PRKCE: variants seen among roughly 807,000 people sequenced by gnomAD.
PRKCE encodes protein kinase C epsilon type.
A neutral mutation model predicts 85.4 loss-of-function variants in PRKCE; 16 were observed. The observed-to-expected ratio is 0.19, with a 90% CI of 0.13 to 0.28. PRKCE has a LOEUF of 0.28. PRKCE is among the 10% of genes least tolerant of loss of function. The probability of loss-of-function intolerance (pLI) is 1.00; values close to 1 mark genes in which losing one functional copy is unlikely to be tolerated. For missense variants in PRKCE, 573 were observed against 975.2 expected (o/e 0.59, Z 5.49); for synonymous variants, 388 against 371.5 (o/e 1.04, Z -0.51).
intron 11 of PRKCE, among the ~76,000 whole-genome samples, chr2:46,102,817 C>T (rs1306222960): frequency 6.6e-6 from 1 of 152,206 alleles, no homozygotes; most frequent in Non-Finnish European, 1.5e-5. Flanking sequence ...ATTTTCATTA[C>T]ATCACATCAA....
intron 2 of PRKCE, among the ~76,000 whole-genome samples, chr2:45,871,192 G>A (rs1254683241): frequency 6.6e-6 from 1 of 152,208 alleles, no homozygotes; most frequent in Non-Finnish European, 1.5e-5. Flanking sequence ...CTTCCTCAGT[G>A]GGTGGCCTGG....
chr2:45,926,966 G>A (rs963938097), intron 2 of PRKCE, among the ~76,000 whole-genome samples: 5 of 152,132 alleles, frequency 3.3e-5, no homozygotes, highest in African/African-American at 9.7e-5. Flanking sequence ...ATATGTGCAT[G>A]TGTGAGCGTG....
intron 2 of PRKCE, among the ~76,000 whole-genome samples, chr2:45,868,981 G>T (rs1270870179): frequency 6.0e-5 from 9 of 149,244 alleles, no homozygotes; most frequent in South Asian, 4.2e-4. Flanking sequence ...AAAGAAAAAA[G>T]AAAGAAAACG....
At chr2:46,023,224 A>G (rs72876147) in intron 10 of PRKCE, among the ~76,000 whole-genome samples, 158 of 152,152 alleles carry the variant, frequency 1.0e-3, no homozygotes, top group African/African-American at 3.7e-3. Context: ...CAGAATTGAG[A>G]CTACCTGAGT....
intron 1 of PRKCE, among the ~76,000 whole-genome samples, chr2:45,780,070 A>G (rs919768343): frequency 6.6e-6 from 1 of 152,348 alleles, no homozygotes; most frequent in East Asian, 1.9e-4. Flanking sequence ...TCTCAAAGAC[A>G]CTTTTAAAAC....
chr2:46,139,891 T>A lies in PRKCE; in HGVS notation c.1593-5202T>A, dbSNP rs1675344158. On this transcript the variant is annotated intron_variant, in intron 11 of 14. Transcript: ENST00000306156. The surrounding 1 kb of genome is among the most constrained non-coding windows in gnomAD (Gnocchi z 5.2). ...CTTTTAATTCTAGTTCATGGCTGCG[T>A]AGCTATGTGCCTGGCTTAAAAAATA... Among the ~76,000 whole-genome samples, 1 of 152,140 alleles carries A rather than the reference T, an allele frequency of 6.6e-6. No homozygotes were observed. Among genetic ancestry groups the A allele is most frequent in the South Asian group, 2.1e-4 (1 of 4,824 alleles).
In PRKCE at chr2:46,076,722, T is replaced by C. The variant is rs372580621; in HGVS notation, c.1438-9486T>C. ...TCCAAAAAAAAGGCATCTCCCCTTT[T>C]ACCAAAAGTGGGATGGACTCTACCC... On this transcript the variant is annotated intron_variant, in intron 10 of 14. Coordinates refer to ENST00000306156, the MANE Select transcript of PRKCE (RefSeq NM_005400.3). Among the ~76,000 whole-genome samples the C allele has an allele frequency of 9.1e-4, 138 of 152,262 alleles. 2 individuals carry two copies. The highest frequency in any genetic ancestry group is 3.1e-3 in the African/African-American group (129 of 41,548).
chr2:46,036,480 C>G (rs1438036823), intron 10 of PRKCE, among the ~76,000 whole-genome samples: 1 of 152,124 alleles, frequency 6.6e-6, no homozygotes, highest in East Asian at 1.9e-4. Context: ...GTCCCAGCTA[C>G]TTGAGAGGCT....
intron 1 of PRKCE, among the ~76,000 whole-genome samples, chr2:45,806,969 C>T (rs1317294708): frequency 6.6e-6 from 1 of 152,156 alleles, no homozygotes; most frequent in South Asian, 2.1e-4. Flanking sequence ...TGTGGGTAGA[C>T]CTCAGGAGGC....
intron 2 of PRKCE, among the ~76,000 whole-genome samples, chr2:45,940,932 G>A (rs1699827089): frequency 6.6e-6 from 1 of 151,528 alleles, no homozygotes; most frequent in Non-Finnish European, 1.5e-5. Context: ...CAGGCATGGT[G>A]ACAGGTGCCT....
intron 2 of PRKCE, among the ~76,000 whole-genome samples, chr2:45,892,569 C>G (rs1695811257): frequency 6.6e-6 from 1 of 152,064 alleles, no homozygotes; most frequent in East Asian, 1.9e-4. Flanking sequence ...TAAGTTTGTG[C>G]TCTGTTTGTG....
intron 2 of PRKCE, among the ~76,000 whole-genome samples, chr2:45,883,071 A>G (rs898236329): frequency 6.6e-6 from 1 of 152,222 alleles, no homozygotes; most frequent in African/African-American, 2.4e-5. Flanking sequence ...AAATGGGAAA[A>G]AAGCCTTCTA....
At chr2:45,835,021 C>T (rs1444743683) in intron 1 of PRKCE, among the ~76,000 whole-genome samples, 3 of 152,192 alleles carry the variant, frequency 2.0e-5, no homozygotes, top group Non-Finnish European at 1.5e-5. Flanking sequence ...GAAGGTGGCT[C>T]AGCTGTGTGC....
intron 2 of PRKCE, among the ~76,000 whole-genome samples, chr2:45,893,634 T>A (rs1270463312): frequency 6.6e-6 from 1 of 151,606 alleles, no homozygotes; most frequent in Non-Finnish European, 1.5e-5. Flanking sequence ...AGTGCTGGGA[T>A]TACAGGCATG....
chr2:46,127,832 A>G (rs1674010880), intron 11 of PRKCE, among the ~76,000 whole-genome samples: 2 of 152,248 alleles, frequency 1.3e-5, no homozygotes, highest in African/African-American at 2.4e-5. Flanking sequence ...ACAGTAGGCA[A>G]ACTGGAAAAT....
chr2:46,170,459 C>A lies in PRKCE; in HGVS notation c.2067+10707C>A, dbSNP rs577226686. On this transcript the variant is annotated intron_variant, in intron 14 of 14. Coordinates refer to ENST00000306156, the MANE Select transcript of PRKCE (RefSeq NM_005400.3). The stretch of plus-strand genomic sequence containing the variant: ...CACCCAGCGTCAACAATTAGCAATG[C>A]ACAGTAATTAGCAATTAGCAATCAA... Among the ~76,000 whole-genome samples the A allele has an allele frequency of 3.3e-5, 5 of 152,308 alleles. No homozygotes were observed. The South Asian group carries it at 1.0e-3, about 32-fold the overall frequency.
At chr2:45,965,557 G>T (rs561910465) in intron 2 of PRKCE, among the ~76,000 whole-genome samples, 12 of 152,144 alleles carry the variant, frequency 7.9e-5, no homozygotes, top group Non-Finnish European at 1.8e-4. Context: ...CTGTACTCTG[G>T]ACTATCATGG....
At chr2:45,937,103 T>A (rs950958448) in intron 2 of PRKCE, among the ~76,000 whole-genome samples, 3 of 152,198 alleles carry the variant, frequency 2.0e-5, no homozygotes, top group African/African-American at 7.2e-5. Context: ...AGCAAGATGA[T>A]CCCCTTTGGC....
intron 11 of PRKCE, among the ~76,000 whole-genome samples, chr2:46,086,630 G>C (rs1014184559): frequency 6.6e-6 from 1 of 152,176 alleles, no homozygotes; most frequent in African/African-American, 2.4e-5. Context: ...TTGGTGCCAG[G>C]TGACCTTGGT....
Sources: gnomAD v4.1 joint callset for allele counts (sites outside exome capture counted in the v4.1 genomes callset) on GRCh38, gnomAD v4.1.1 for gene constraint, Gnocchi (gnomAD v3.1) non-coding constraint, MANE v1.5 for transcripts, NCBI Gene and HGNC (gene_info 2026-07-23, HGNC 2026-07-21) for gene names.